PRTG: variants seen among roughly 807,000 people sequenced by gnomAD.
PRTG encodes immunoglobulin superfamily, DCC subclass, member 5.
Under a neutral mutation model 122.5 loss-of-function variants are expected in PRTG, and 67 were observed. The observed-to-expected ratio is 0.55, with a 90% confidence interval of 0.45 to 0.67. The LOEUF is 0.67. Among genes scored for constraint, PRTG ranks in the 30% least tolerant of loss-of-function variants. PRTG has a pLI of 0.00. For missense variants in PRTG, 1,435 were observed against 1,415.4 expected (o/e 1.01, Z -0.22); for synonymous variants, 554 against 501.1 (o/e 1.11, Z -1.41).
At chr15:55,663,132 G>A (rs941621815) in intron 11 of PRTG, among the ~76,000 whole-genome samples, 2 of 152,142 alleles carry the variant, frequency 1.3e-5, no homozygotes, top group Non-Finnish European at 2.9e-5. Flanking sequence ...CATATTTACA[G>A]ATAACAGTTA....
chr15:55,675,804 C>A (rs2059499421), intron 8 of PRTG, 121 bp from the exon 9 acceptor site: 1 of 505,436 alleles, frequency 2.0e-6, no homozygotes. Context: ...TCTTCTGTGC[C>A]CCTTTACAAA....
intron 2 of PRTG, among the ~76,000 whole-genome samples, chr15:55,700,925 T>C (rs2059660033): frequency 2.0e-5 from 3 of 152,090 alleles, no homozygotes; most frequent in Admixed American, 6.6e-5. Context: ...CGCTCAAAAC[T>C]TAATAATTAG....
rs755062086 is a variant in PRTG, at chr15:55,638,697, G to A, written c.2325-21C>T. ...CTGATCTATAATAACGAGTGATGAA[G>A]TTGTTAATGCTGGTAGTATAATATT... On this transcript the variant is annotated intron_variant, in intron 13 of 19. Coordinates refer to ENST00000389286, the MANE Select transcript of PRTG (RefSeq NM_173814.6). 6.9e-6 allele frequency: 11 copies of A among 1,604,950 alleles called. No homozygotes were observed. The Admixed American group carries it at 1.5e-4, about 22-fold the overall frequency.
chr15:55,710,857 C>T (rs1010588866), intron 2 of PRTG, among the ~76,000 whole-genome samples: 2 of 151,996 alleles, frequency 1.3e-5, no homozygotes, highest in East Asian at 1.9e-4. Context: ...TGCCCCGAGA[C>T]GACTTGCCTC....
At chr15:55,727,121 T>C (rs1167759001) in intron 2 of PRTG, among the ~76,000 whole-genome samples, 2 of 151,500 alleles carry the variant, frequency 1.3e-5, no homozygotes, top group African/African-American at 4.9e-5. Context: ...AAGTGAAAAC[T>C]AAACCCAAAG....
At chr15:55,732,449 T>G in intron 2 of PRTG, among the ~76,000 whole-genome samples, 1 of 151,294 alleles carries the variant, frequency 6.6e-6, no homozygotes, top group East Asian at 1.9e-4. Context: ...GCTTCCAGAG[T>G]GCTGGGATTA....
chr15:55,626,941 T>C, intron 17 of PRTG, 67 bp downstream of exon 17: 1 of 1,472,210 alleles, frequency 6.8e-7, no homozygotes, highest in Non-Finnish European at 9.1e-7. Flanking sequence ...TTGACTTTCA[T>C]TTGTTTCCTG....
At chr15:55,684,105 T>G (rs535860160) in intron 2 of PRTG, among the ~76,000 whole-genome samples, 174 bp from the exon 3 acceptor site, 5 of 152,360 alleles carry the variant, frequency 3.3e-5, no homozygotes, top group Admixed American at 6.5e-5. Context: ...CACTGGGCAG[T>G]TGCCCAATTT....
intron 11 of PRTG, among the ~76,000 whole-genome samples, chr15:55,648,505 C>T (rs556752647): frequency 2.9e-4 from 44 of 152,280 alleles, no homozygotes; most frequent in African/African-American, 1.0e-3. Context: ...CCCATGCCTT[C>T]GTCCGGCATT....
At chr15:55,728,144 G>C (rs1181621166) in intron 2 of PRTG, among the ~76,000 whole-genome samples, 2 of 152,088 alleles carry the variant, frequency 1.3e-5, no homozygotes, top group Non-Finnish European at 2.9e-5. Flanking sequence ...AGAATTACAG[G>C]CATGACCCAC....
intron 11 of PRTG, among the ~76,000 whole-genome samples, chr15:55,642,225 A>G (rs1458995318): frequency 6.6e-6 from 1 of 151,904 alleles, no homozygotes; most frequent in African/African-American, 2.4e-5. Context: ...TTCAACTCAC[A>G]TAATTTAAGA....
chr15:55,695,835 G>A (rs2059628974), intron 2 of PRTG, among the ~76,000 whole-genome samples: 1 of 152,096 alleles, frequency 6.6e-6, no homozygotes, highest in Non-Finnish European at 1.5e-5. Context: ...GCCAGGCATG[G>A]TGGTTCATAC....
At chr15:55,634,720 T>C (rs559602275) in intron 15 of PRTG, among the ~76,000 whole-genome samples, 3 of 151,890 alleles carry the variant, frequency 2.0e-5, no homozygotes, top group East Asian at 2.0e-4. Flanking sequence ...CGTGTGCCTG[T>C]AGTCCCAGCT....
chr15:55,733,518 A>AC (rs2031308332), intron 2 of PRTG, among the ~76,000 whole-genome samples: 1 of 149,638 alleles, frequency 6.7e-6, no homozygotes, highest in East Asian at 1.9e-4. Flanking sequence ...CTCAAACAAA[A>AC]AAAAAAAAAA....
At position 55,624,440 on chromosome 15, in the gene PRTG, C is replaced by G. The variant is rs2059183328; in HGVS notation, c.2995G>C (p.Ala999Pro). Residue 999 changes from alanine to proline, a missense_variant, in exon 18 of 20, where the codon GCT (alanine) becomes CCT (proline). Transcript: ENST00000389286. The part of the protein sequence containing the change: ...QQLPRTSASL[A>P]SGNEVGKNLE... ...TTCTTTCCTACCTCATTTCCACTAG[C>G]TAAGGAGGCACTGGTACGAGGTAAC... 1.9e-6 allele frequency: 3 copies of G among 1,613,740 alleles called. No individual in the cohort carries two copies. The highest frequency in any genetic ancestry group is 2.5e-6 in the Non-Finnish European group (3 of 1,179,778).
intron 11 of PRTG, among the ~76,000 whole-genome samples, chr15:55,654,365 ACCTAC>A (rs1249345935): frequency 6.6e-6 from 1 of 152,218 alleles, no homozygotes; most frequent in African/African-American, 2.4e-5. Flanking sequence ...GTCCACATAT[ACCTAC>A]CCATATAACT....
intron 2 of PRTG, among the ~76,000 whole-genome samples, chr15:55,732,310 G>A (rs1172623262): frequency 6.6e-6 from 1 of 151,614 alleles, no homozygotes; most frequent in Non-Finnish European, 1.5e-5. Context: ...TCAGCCTCCC[G>A]AGTAGCTGGA....
intron 2 of PRTG, among the ~76,000 whole-genome samples, chr15:55,721,585 T>G (rs2030825247): frequency 6.6e-6 from 1 of 152,194 alleles, no homozygotes; most frequent in African/African-American, 2.4e-5. Context: ...AAATCTAGTT[T>G]TCCTTCAAAA....
At chr15:55,635,682 T>C (rs1245121368) in intron 15 of PRTG, among the ~76,000 whole-genome samples, 1 of 152,152 alleles carries the variant, frequency 6.6e-6, no homozygotes, top group African/African-American at 2.4e-5. Flanking sequence ...AATACGAACA[T>C]GCAACGATCA....
Sources: gnomAD v4.1 joint callset for allele counts (sites outside exome capture counted in the v4.1 genomes callset) on GRCh38, gnomAD v4.1.1 for gene constraint, MANE v1.5 for transcripts, NCBI Gene and HGNC (gene_info 2026-07-23, HGNC 2026-07-21) for gene names.